Variants in AP3B1 observed in about 807,000 individuals in gnomAD.
AP3B1 encodes adaptor related protein complex 3 subunit beta 1.
A neutral mutation model predicts 132.5 loss-of-function variants in AP3B1; 61 were observed. The ratio of observed to expected loss-of-function variants is 0.46; its 90% CI spans 0.37 to 0.57. The LOEUF is 0.57. AP3B1 is among the 20% of genes least tolerant of loss of function. AP3B1 has a pLI of 0.00. For synonymous variants in AP3B1, 388 were observed against 438.3 expected, an observed-to-expected ratio of 0.89 and a Z score of 1.43; for missense variants, 1,120 against 1,289.4, an observed-to-expected ratio of 0.87 and a Z score of 2.01.
chr5:78,230,677 T>C (rs1746608851), intron 3 of AP3B1, among the ~76,000 whole-genome samples: 1 of 152,166 alleles, frequency 6.6e-6, no homozygotes, highest in Non-Finnish European at 1.5e-5. Context: ...CTTCCCCAAG[T>C]TCCACTTATT....
At chr5:78,293,330 T>C (rs1749616644) in intron 1 of AP3B1, among the ~76,000 whole-genome samples, 1 of 152,380 alleles carries the variant, frequency 6.6e-6, no homozygotes, top group South Asian at 2.1e-4. Flanking sequence ...GTACTTGTTC[T>C]AGAACAATGG....
At chr5:78,244,593 C>T (rs1317081133) in intron 2 of AP3B1, among the ~76,000 whole-genome samples, 1 of 152,156 alleles carries the variant, frequency 6.6e-6, no homozygotes, top group African/African-American at 2.4e-5. Context: ...CTACAGAATA[C>T]AGGAGACAGC....
At chr5:78,116,314 A>G in intron 17 of AP3B1, 80 bp from the exon 18 acceptor site, 2 of 1,285,830 alleles carry the variant, frequency 1.6e-6, no homozygotes, top group South Asian at 1.2e-5. Context: ...CATTAACAAC[A>G]TAACTGAATT....
intron 1 of AP3B1, among the ~76,000 whole-genome samples, chr5:78,273,619 A>G (rs1055807547): frequency 6.6e-6 from 1 of 152,148 alleles, no homozygotes; most frequent in Non-Finnish European, 1.5e-5. Flanking sequence ...TCTGTGTGCA[A>G]AATGTTGGCT....
chr5:78,294,221 CACTAA>C (rs1356599730), intron 1 of AP3B1, among the ~76,000 whole-genome samples: 1 of 152,164 alleles, frequency 6.6e-6, no homozygotes, highest in African/African-American at 2.4e-5. Flanking sequence ...GTTTCCTTTT[CACTAA>C]AGTTTGAAAA....
intron 22 of AP3B1, among the ~76,000 whole-genome samples, chr5:78,065,078 A>G (rs1749224805): frequency 6.6e-6 from 1 of 152,176 alleles, no homozygotes; most frequent in Admixed American, 6.5e-5. Context: ...GCAACAGCCC[A>G]CACAGGAGCC....
At chr5:78,185,787 T>C (rs372028672) in intron 7 of AP3B1, among the ~76,000 whole-genome samples, 46 of 152,256 alleles carry the variant, frequency 3.0e-4, no homozygotes, top group African/African-American at 1.0e-3. Context: ...GGAGGATCAC[T>C]GGAGCCCAAT....
At chr5:78,006,543 T>TCC (rs1458212327) in intron 26 of AP3B1, among the ~76,000 whole-genome samples, 4 of 152,120 alleles carry the variant, frequency 2.6e-5, no homozygotes, top group African/African-American at 9.7e-5. Flanking sequence ...TCCCCTACTC[T>TCC]CCTCTCCCTA....
chr5:78,242,505 C>T (rs1035162437), intron 2 of AP3B1, among the ~76,000 whole-genome samples: 2 of 152,240 alleles, frequency 1.3e-5, no homozygotes, highest in African/African-American at 4.8e-5. Flanking sequence ...CTCCCGGGTT[C>T]GAGCGATTCT....
intron 11 of AP3B1, among the ~76,000 whole-genome samples, chr5:78,171,774 C>A (rs11742390): frequency 6.6e-6 from 1 of 152,114 alleles, no homozygotes; most frequent in Non-Finnish European, 1.5e-5. Context: ...GCCAACACCA[C>A]GTTGAGTAGG....
chr5:78,258,647 A>G (rs1747948662), intron 2 of AP3B1, among the ~76,000 whole-genome samples: 1 of 152,198 alleles, frequency 6.6e-6, no homozygotes, highest in Admixed American at 6.5e-5. Context: ...CTCAAAAAGA[A>G]ACTAGTAATT....
chr5:78,142,876 G>A (rs1753213416), intron 14 of AP3B1, among the ~76,000 whole-genome samples: 2 of 152,100 alleles, frequency 1.3e-5, no homozygotes, highest in South Asian at 4.2e-4. Context: ...CTGATTTCTG[G>A]AAAGAAAAGA....
intron 1 of AP3B1, among the ~76,000 whole-genome samples, chr5:78,293,779 T>G (rs1343445906): frequency 1.3e-5 from 2 of 152,176 alleles, no homozygotes; most frequent in Admixed American, 1.3e-4. Context: ...CAAAACTAAG[T>G]GTACCTTGTT....
At chr5:78,276,350 G>T (rs1748775126) in intron 1 of AP3B1, among the ~76,000 whole-genome samples, 1 of 152,140 alleles carries the variant, frequency 6.6e-6, no homozygotes, top group Non-Finnish European at 1.5e-5. Context: ...TTGCAAGTGT[G>T]AGCCACCATG....
intron 1 of AP3B1, among the ~76,000 whole-genome samples, chr5:78,280,027 C>T (rs1210550445): frequency 1.4e-5 from 2 of 141,854 alleles, no homozygotes; most frequent in Admixed American, 7.2e-5. Flanking sequence ...GAGCCGAGAT[C>T]GTGCCACTGC....
intron 19 of AP3B1, 99 bp from the exon 20 acceptor site, chr5:78,110,453 T>A: frequency 1.2e-6 from 1 of 859,706 alleles, no homozygotes; most frequent in Non-Finnish European, 1.8e-6. Context: ...ATTAATGAGG[T>A]AATAAAAAAG....
intron 1 of AP3B1, among the ~76,000 whole-genome samples, chr5:78,270,762 A>G (rs915038497): frequency 1.3e-5 from 2 of 152,232 alleles, no homozygotes; most frequent in Non-Finnish European, 2.9e-5. Flanking sequence ...CAGTTCACTT[A>G]GGATCTAAGC....
At chr5:78,093,076 T>G (rs954621555) in intron 21 of AP3B1, among the ~76,000 whole-genome samples, 1 of 152,256 alleles carries the variant, frequency 6.6e-6, no homozygotes, top group African/African-American at 2.4e-5. Context: ...TGAATGTTAC[T>G]TCACTAATTA....
intron 12 of AP3B1, among the ~76,000 whole-genome samples, chr5:78,164,064 T>C (rs1003940900): frequency 2.0e-5 from 3 of 151,998 alleles, no homozygotes; most frequent in Admixed American, 6.6e-5. Flanking sequence ...ATTGAACAAA[T>C]AAATTAAATT....
Sources: gnomAD v4.1 joint callset for allele counts (sites outside exome capture counted in the v4.1 genomes callset) on GRCh38, gnomAD v4.1.1 for gene constraint, MANE v1.5 for transcripts, NCBI Gene and HGNC (gene_info 2026-07-23, HGNC 2026-07-21) for gene names.